The following LAIR2 variants were observed in gnomAD, a reference collection of about 807,000 sequenced individuals.
LAIR2 encodes leukocyte associated immunoglobulin like receptor 2, also known as leukocyte-associated immunoglobulin-like receptor 2.
Under a neutral mutation model 14.8 loss-of-function variants are expected in LAIR2, and 14 were observed. That is an observed-to-expected ratio of 0.95 (90% confidence interval 0.62 to 1.48). The LOEUF (loss-of-function observed/expected upper bound fraction) is 1.48. Ranked by LOEUF, LAIR2 falls within the 40% of genes most tolerant of loss-of-function variation. The probability of loss-of-function intolerance (pLI) is 0.00; values close to 1 mark genes in which losing one functional copy is unlikely to be tolerated. For synonymous variants in LAIR2, 75 were observed against 74.5 expected, an observed-to-expected ratio of 1.01 and a Z score of -0.03; for missense variants, 172 against 180.9, an observed-to-expected ratio of 0.95 and a Z score of 0.28.
At position 54,503,773 on chromosome 19, in the gene LAIR2, T is replaced by G. The variant is rs765525654; in HGVS notation, c.70+38T>G. 11 of 1,614,040 alleles carry G rather than the reference T, an allele frequency of 6.8e-6. No individual in the cohort carries two copies. The East Asian group carries it at 2.5e-4, about 36-fold the overall frequency. ...TTCGTCCCGTCTTCCCAGTCCCCTC[T>G]GTCACCCCAAAGGCAGTGCTGGGTG... On this transcript the variant is annotated intron_variant, in intron 2 of 4. Transcript: ENST00000301202.
chr19:54,507,888 T>A lies in LAIR2; in HGVS notation c.71-3T>A, dbSNP rs1381987963. 6.2e-7 allele frequency: 1 copy of A among 1,612,736 alleles called. No individual in the cohort carries two copies. The highest frequency in any genetic ancestry group is 1.1e-5 in the South Asian group (1 of 90,992). The stretch of plus-strand genomic sequence containing the variant: ...CTGAGATCCTTCTTTGCTTCCCTCT[T>A]AGGGGCCCTTCCCAGACCCTCCATC... On this transcript the variant is annotated splice_region_variant and splice_polypyrimidine_tract_variant and intron_variant, in intron 2 of 4. Transcript: ENST00000301202.
chr19:54,503,574 G>T, intron 1 of LAIR2, 126 bp from the exon 2 acceptor site: 1 of 1,106,676 alleles, frequency 9.0e-7, no homozygotes, highest in Non-Finnish European at 1.4e-6. Flanking sequence ...CAGTGATGTC[G>T]AGGAGGGTTG....
At chr19:54,506,884 A>G (rs985575299) in intron 2 of LAIR2, among the ~76,000 whole-genome samples, 2 of 152,218 alleles carry the variant, frequency 1.3e-5, no homozygotes, top group African/African-American at 2.4e-5. Context: ...GTTAATCACA[A>G]TATATCATAC....
chr19:54,503,070 C>G, intron 1 of LAIR2, 118 bp downstream of exon 1: 1 of 935,160 alleles, frequency 1.1e-6, no homozygotes. Flanking sequence ...CTCCTCCCCC[C>G]AAGACTGCCC....
chr19:54,503,461 A>ACAG (rs1301318209), intron 1 of LAIR2, among the ~76,000 whole-genome samples: 1 of 150,902 alleles, frequency 6.6e-6, no homozygotes. Context: ...TCCGTCTCCA[A>ACAG]CAACACCAAA....
At chr19:54,504,134 T>C (rs2085323478) in intron 2 of LAIR2, among the ~76,000 whole-genome samples, 1 of 151,244 alleles carries the variant, frequency 6.6e-6, no homozygotes, top group African/African-American at 2.4e-5. Context: ...TTTTTTTTTT[T>C]TTTGTATTTT....
At chr19:54,506,827 T>C (rs569480663) in intron 2 of LAIR2, among the ~76,000 whole-genome samples, 70 of 152,310 alleles carry the variant, frequency 4.6e-4, no homozygotes, top group Non-Finnish European at 8.2e-4. Context: ...GAAAATTTCG[T>C]CTAGACAGGG....
At chr19:54,510,092 G>A (rs1600100711) in intron 4 of LAIR2, among the ~76,000 whole-genome samples, 1 of 145,660 alleles carries the variant, frequency 6.9e-6, no homozygotes, top group Non-Finnish European at 1.5e-5. Context: ...CTGGGGCACA[G>A]CGGGACATGC....
chr19:54,504,123 ATT>A (rs56696276), intron 2 of LAIR2, among the ~76,000 whole-genome samples: 6,270 of 143,330 alleles, frequency 0.044, 182 homozygotes, highest in Middle Eastern at 0.094. Flanking sequence ...CCCCTGGCTA[ATT>A]TTTTTTTTTT....
chr19:54,504,642 C>A (rs935776989), intron 2 of LAIR2, among the ~76,000 whole-genome samples: 4 of 152,126 alleles, frequency 2.6e-5, no homozygotes, highest in African/African-American at 9.7e-5. Flanking sequence ...TGGAGTCTCA[C>A]TCTGTCACCC....
chr19:54,508,416 A>G (rs2085409314), intron 3 of LAIR2, among the ~76,000 whole-genome samples: 1 of 152,116 alleles, frequency 6.6e-6, no homozygotes. Flanking sequence ...TGGCGTGGAC[A>G]CTCAGTCCCA....
intron 2 of LAIR2, among the ~76,000 whole-genome samples, chr19:54,504,678 C>T (rs190582556): frequency 6.6e-6 from 1 of 152,194 alleles, no homozygotes; most frequent in Admixed American, 6.5e-5. Context: ...GGCACAATCT[C>T]GGTTCACCGC....
chr19:54,504,382 T>C (rs1198271021), intron 2 of LAIR2, among the ~76,000 whole-genome samples: 5 of 152,140 alleles, frequency 3.3e-5, no homozygotes. Context: ...ATCAATCACA[T>C]CACATACTTA....
intron 2 of LAIR2, among the ~76,000 whole-genome samples, chr19:54,507,116 C>T (rs867996783): frequency 1.5e-4 from 22 of 151,182 alleles, no homozygotes; most frequent in African/African-American, 4.1e-4. Flanking sequence ...GCTCTCTGCC[C>T]CGCTCAGGGA....
At chr19:54,506,146 T>C (rs933231888) in intron 2 of LAIR2, among the ~76,000 whole-genome samples, 3 of 152,094 alleles carry the variant, frequency 2.0e-5, no homozygotes, top group African/African-American at 7.2e-5. Flanking sequence ...AGTTAATTAA[T>C]TCAGTTTAAA....
rs1230803805 is a variant in LAIR2, at chr19:54,503,740, G to A, written c.70+5G>A. 5.6e-6 allele frequency: 9 copies of A among 1,613,984 alleles called. No homozygotes were observed. Among genetic ancestry groups the A allele is most frequent in the Non-Finnish European group, 7.6e-6 (9 of 1,180,042 alleles). ...AGACCATCCACACGCAGGAGGGTAA[G>A]TCATGCCTTCGTCCCGTCTTCCCAG... is the stretch of plus-strand genomic sequence containing the variant. On this transcript the variant is annotated splice_donor_5th_base_variant and intron_variant, in intron 2 of 4. Transcript: ENST00000301202.
rs781310154 is a variant in LAIR2 at position 54,507,961 on chromosome 19, C to T, written c.141C>T (p.Phe47=). 1.9e-6 allele frequency: 3 copies of T among 1,614,120 alleles called. No homozygotes were observed. Among genetic ancestry groups the T allele is most frequent in the Admixed American group, 1.7e-5 (1 of 60,012 alleles). ...TVISPGSHVT[F]MCRGPVGVQT... is the part of the protein sequence containing the mutation. ...TCTCCCCGGGGAGCCATGTGACTTT[C>T]ATGTGCCGGGGCCCGGTTGGGGTTC... Residue 47 remains phenylalanine (F), a synonymous_variant, in exon 3 of 5, where the codon TTC becomes TTT. Coordinates refer to ENST00000301202, the MANE Select transcript of LAIR2 (RefSeq NM_002288.6).
Position 54,508,091 on chromosome 19 carries a change from G to C in LAIR2, c.271G>C (p.Val91Leu), listed in dbSNP as rs762654007. The C allele has an allele frequency of 2.4e-5, 39 of 1,614,100 alleles. No individual in the cohort carries two copies. Among genetic ancestry groups the C allele is most frequent in the Non-Finnish European group, 3.2e-5 (38 of 1,180,038 alleles). Residue 91 changes from valine (V) to leucine (L), a missense_variant, in exon 3 of 5, where the codon GTA becomes CTA. By Grantham distance (32) the Val-to-Leu change is conservative. Coordinates refer to ENST00000301202, the MANE Select transcript of LAIR2 (RefSeq NM_002288.6). ...AGAGGCCAGATTCCACATTGACTCAGTAAGTGAAGGAAATGCCGGGCTTTA... is the reference window on the plus strand; with the variant it reads ...AGAGGCCAGATTCCACATTGACTCACTAAGTGAAGGAAATGCCGGGCTTTA... ...ESEARFHIDS[V>L]SEGNAGLYRC...
chr19:54,508,439 C>G lies in LAIR2; in HGVS notation c.364+255C>G, dbSNP rs10424741. Among the ~76,000 whole-genome samples the G allele has an allele frequency of 0.03, 4,577 of 152,334 alleles. 216 individuals carry two copies. Among genetic ancestry groups the G allele is most frequent in the African/African-American group, 0.1 (4,237 of 41,570 alleles). On this transcript the variant is annotated intron_variant, in intron 3 of 4. Transcript: ENST00000301202. The stretch of plus-strand genomic sequence containing the variant: ...ACACTCAGTCCCAGCATTGGGTTGG[C>G]TCAGAGCTGGCTCTGCTTGGCTGGG...
Sources: gnomAD v4.1 joint callset for allele counts (sites outside exome capture counted in the v4.1 genomes callset) on GRCh38, gnomAD v4.1.1 for gene constraint, MANE v1.5 for transcripts, NCBI Gene and HGNC (gene_info 2026-07-23, HGNC 2026-07-21) for gene names.